Variants in SLC24A3 observed in about 807,000 individuals in gnomAD.
SLC24A3 encodes the protein solute carrier family 24 member 3.
Under a neutral mutation model 75.8 loss-of-function variants are expected in SLC24A3, and 28 were observed. The observed-to-expected ratio is 0.37, with a 90% CI of 0.27 to 0.51. The LOEUF (loss-of-function observed/expected upper bound fraction) is 0.51. Among genes scored for constraint, SLC24A3 ranks in the 20% least tolerant of loss-of-function variants. The pLI, the probability that SLC24A3 is intolerant of heterozygous loss-of-function variation, is 0.94. For synonymous variants in SLC24A3, 372 were observed against 334.1 expected (o/e 1.11, Z -1.24); for missense variants, 663 against 847.8 (o/e 0.78, Z 2.71).
chr20:19,519,977 C>G (rs1045830374), intron 3 of SLC24A3, among the ~76,000 whole-genome samples: 2 of 152,186 alleles, frequency 1.3e-5, no homozygotes, highest in Non-Finnish European at 2.9e-5. Flanking sequence ...CTCTGCACAC[C>G]TTTTCAGCTT....
chr20:19,341,681 C>T (rs995371698), intron 2 of SLC24A3, among the ~76,000 whole-genome samples: 3 of 152,226 alleles, frequency 2.0e-5, no homozygotes, highest in African/African-American at 4.8e-5. Context: ...TAAACAGAGA[C>T]TTGCAGAAGT....
intron 3 of SLC24A3, among the ~76,000 whole-genome samples, chr20:19,554,957 T>C (rs2030759499): frequency 6.6e-6 from 1 of 152,168 alleles, no homozygotes; most frequent in Non-Finnish European, 1.5e-5. Context: ...CAGGCAGGAC[T>C]TAGAAGTTCC....
In SLC24A3 at chr20:19,720,978, C is replaced by G. The variant is rs1322613706; in HGVS notation, c.1786-13C>G. The G allele has an allele frequency of 1.2e-6, 2 of 1,613,288 alleles. No homozygotes were observed. Among genetic ancestry groups the G allele is most frequent in the South Asian group, 2.2e-5 (2 of 91,012 alleles). On this transcript the variant is annotated splice_polypyrimidine_tract_variant and intron_variant, in intron 16 of 16. Transcript: ENST00000328041. ...CCTCCTGGTGCCCTCTGAACCTGTT[C>G]TGTGCCCTGCAGGTGTTCGGCGTCC... is the stretch of plus-strand genomic sequence containing the variant.
chr20:19,544,419 A>C (rs147072770), intron 3 of SLC24A3, among the ~76,000 whole-genome samples: 1 of 152,196 alleles, frequency 6.6e-6, no homozygotes, highest in East Asian at 1.9e-4. Context: ...TTACACAGCA[A>C]GAGAATCAAC....
intron 2 of SLC24A3, among the ~76,000 whole-genome samples, chr20:19,358,405 G>A (rs1985728649): frequency 6.6e-6 from 1 of 152,164 alleles, no homozygotes; most frequent in African/African-American, 2.4e-5. Flanking sequence ...GGAAAAAGGA[G>A]ACTAGAGCCT....
intron 1 of SLC24A3, among the ~76,000 whole-genome samples, chr20:19,213,946 A>G (rs1189061416): frequency 1.3e-5 from 2 of 152,260 alleles, no homozygotes; most frequent in Admixed American, 1.3e-4. Context: ...GAAACAAAAC[A>G]AAACAAAACA....
chr20:19,435,377 A>G (rs540711738), intron 2 of SLC24A3, among the ~76,000 whole-genome samples: 9 of 152,350 alleles, frequency 5.9e-5, no homozygotes, highest in African/African-American at 1.9e-4. Flanking sequence ...ACACCAAACA[A>G]CATAGAAAAG....
At position 19,437,809 on chromosome 20, in the gene SLC24A3, C is replaced by T. The variant is rs554288943; in HGVS notation, c.272-77679C>T. 2.0e-5 allele frequency among the ~76,000 whole-genome samples: 3 copies of T among 152,322 alleles called. 1 individual carries two copies. Among genetic ancestry groups the T allele is most frequent in the South Asian group, 4.2e-4 (2 of 4,812 alleles). The stretch of plus-strand genomic sequence containing the variant: ...CTCAAGTGCGTTCTGATCCTGTCTC[C>T]ATCCTCCTCCACCCTGTTCCCCCTG... On this transcript the variant is annotated intron_variant, in intron 2 of 16. Coordinates refer to ENST00000328041, the MANE Select transcript of SLC24A3 (RefSeq NM_020689.4).
rs185946892 is a variant in SLC24A3, at chr20:19,228,167, G to T, written c.142+15183G>T. On this transcript the variant is annotated intron_variant, in intron 1 of 16. Coordinates refer to ENST00000328041, the MANE Select transcript of SLC24A3 (RefSeq NM_020689.4). ...TAAAAATGTGAAATTATACAATACT[G>T]AAAATAAACTTATTCTATGAATCAA... Among the ~76,000 whole-genome samples the T allele has an allele frequency of 1.7e-3, 264 of 152,168 alleles. 4 individuals are homozygous for T. The highest frequency in any genetic ancestry group is 5.7e-3 in the African/African-American group (236 of 41,510).
At chr20:19,286,686 ACTGT>A (rs1044340399) in intron 2 of SLC24A3, among the ~76,000 whole-genome samples, 1 of 152,254 alleles carries the variant, frequency 6.6e-6, no homozygotes, top group Non-Finnish European at 1.5e-5. Context: ...CTCGAGTAGC[ACTGT>A]CCAGTAGGAA....
intron 2 of SLC24A3, among the ~76,000 whole-genome samples, chr20:19,379,881 A>G (rs1986152413): frequency 6.6e-6 from 1 of 152,232 alleles, no homozygotes; most frequent in Non-Finnish European, 1.5e-5. Context: ...TTCTTATAGA[A>G]TTGCTAAAAT....
chr20:19,371,794 G>C (rs1281096858), intron 2 of SLC24A3, among the ~76,000 whole-genome samples: 1 of 152,136 alleles, frequency 6.6e-6, no homozygotes, highest in Non-Finnish European at 1.5e-5. Context: ...GCAGCGTACA[G>C]GTCTATTCAA....
chr20:19,326,582 T>C (rs573464643), intron 2 of SLC24A3, among the ~76,000 whole-genome samples: 4 of 150,980 alleles, frequency 2.6e-5, no homozygotes, highest in South Asian at 2.1e-4. Flanking sequence ...CTTTTCTTTT[T>C]TTTTTTTTTT....
chr20:19,573,295 CTGT>C (rs1289728408), intron 3 of SLC24A3, among the ~76,000 whole-genome samples: 1 of 152,182 alleles, frequency 6.6e-6, no homozygotes, highest in African/African-American at 2.4e-5. Flanking sequence ...TGATGATTTC[CTGT>C]TATCTTAGGT....
At chr20:19,572,621 T>G in intron 3 of SLC24A3, among the ~76,000 whole-genome samples, 1 of 152,184 alleles carries the variant, frequency 6.6e-6, no homozygotes, top group Non-Finnish European at 1.5e-5. Context: ...CTCTCTAAAT[T>G]AATAAGGCCT....
At chr20:19,332,590 G>C (rs887691346) in intron 2 of SLC24A3, among the ~76,000 whole-genome samples, 1 of 152,168 alleles carries the variant, frequency 6.6e-6, no homozygotes, top group Non-Finnish European at 1.5e-5. Context: ...TCTTTCTGCT[G>C]TTGAGCTGCC....
intron 2 of SLC24A3, among the ~76,000 whole-genome samples, chr20:19,437,948 G>T (rs1438096004): frequency 6.6e-6 from 1 of 152,082 alleles, no homozygotes; most frequent in East Asian, 1.9e-4. Context: ...GTCGTTATAG[G>T]GCCTGCTGCA....
chr20:19,661,506 G>A (rs900632065), intron 7 of SLC24A3, among the ~76,000 whole-genome samples: 5 of 152,140 alleles, frequency 3.3e-5, no homozygotes, highest in African/African-American at 7.2e-5. Flanking sequence ...GGGAGTTCCC[G>A]TGATATTGAG....
chr20:19,611,345 A>G (rs1185677064), intron 6 of SLC24A3, among the ~76,000 whole-genome samples: 1 of 151,354 alleles, frequency 6.6e-6, no homozygotes, highest in Non-Finnish European at 1.5e-5. Flanking sequence ...GGAACAGAGA[A>G]GAAAAGAAGT....
Sources: allele counts gnomAD v4.1 joint callset (sites outside exome capture counted in the v4.1 genomes callset), GRCh38; gene constraint gnomAD v4.1.1; transcripts MANE v1.5; gene names NCBI Gene and HGNC (gene_info 2026-07-23, HGNC 2026-07-21).